OPCML: variants seen among roughly 807,000 people sequenced by gnomAD.
OPCML encodes the protein opioid binding protein/cell adhesion molecule like, also known as opioid-binding protein/cell adhesion molecule.
Under a neutral mutation model 37.8 loss-of-function variants are expected in OPCML, and 13 were observed. That is an observed-to-expected ratio of 0.34 (90% CI 0.22 to 0.55). The LOEUF (loss-of-function observed/expected upper bound fraction) is 0.55, where lower values mean the gene tolerates loss of function less well. Ranked by LOEUF, OPCML falls within the 20% of genes least tolerant of loss-of-function variation. OPCML has a pLI of 0.91. For synonymous variants in OPCML, 176 were observed against 168.8 expected, an observed-to-expected ratio of 1.04 and a Z score of -0.33; for missense variants, 341 against 435.6, an observed-to-expected ratio of 0.78 and a Z score of 1.93.
chr11:132,659,266 C>T (rs1360295335), intron 2 of OPCML, among the ~76,000 whole-genome samples: 1 of 152,216 alleles, frequency 6.6e-6, no homozygotes, highest in Non-Finnish European at 1.5e-5. Context: ...CTGCTCCCCA[C>T]TTTCAAAGGC....
intron 1 of OPCML, among the ~76,000 whole-genome samples, chr11:132,996,030 C>T (rs905577169): frequency 2.0e-5 from 3 of 152,164 alleles, no homozygotes; most frequent in African/African-American, 7.2e-5. Context: ...CTTCCATCCT[C>T]CCCCTGCCAT....
At chr11:132,638,157 T>C (rs1940625902) in intron 3 of OPCML, among the ~76,000 whole-genome samples, 1 of 39,864 alleles carries the variant, frequency 2.5e-5, no homozygotes, top group Non-Finnish European at 5.0e-5. Flanking sequence ...AGAGCATATA[T>C]ACAGACTATA....
chr11:133,486,559 G>A (rs1039768716), intron 1 of OPCML, among the ~76,000 whole-genome samples: 2 of 151,528 alleles, frequency 1.3e-5, no homozygotes, highest in South Asian at 2.1e-4. Context: ...TCCTTTCCTC[G>A]ACATCTATGT....
intron 1 of OPCML, among the ~76,000 whole-genome samples, chr11:133,210,088 G>A (rs1939290901): frequency 1.3e-5 from 2 of 152,148 alleles, no homozygotes; most frequent in South Asian, 2.1e-4. Context: ...TCTCTCTCAC[G>A]GCATGTGCCT....
At chr11:132,726,775 C>A (rs1231944988) in intron 2 of OPCML, among the ~76,000 whole-genome samples, 1 of 152,140 alleles carries the variant, frequency 6.6e-6, no homozygotes, top group Non-Finnish European at 1.5e-5. Flanking sequence ...TAAAAAACTG[C>A]AAGGCCATTT....
chr11:133,176,350 T>TTTTTC (rs1325339836), intron 1 of OPCML, among the ~76,000 whole-genome samples: 1 of 151,756 alleles, frequency 6.6e-6, no homozygotes, highest in Non-Finnish European at 1.5e-5. Context: ...TTTTTTTTTT[T>TTTTTC]TTCATTTGTG....
chr11:133,529,681 G>T (rs544060521), intron 1 of OPCML, among the ~76,000 whole-genome samples: 6 of 152,304 alleles, frequency 3.9e-5, no homozygotes, highest in South Asian at 2.1e-4. Flanking sequence ...CCAGGTCAAG[G>T]TTCCATTATT....
At chr11:132,618,954 T>TACACACACACACACACAC (rs6144570) in intron 3 of OPCML, among the ~76,000 whole-genome samples, 44 of 145,552 alleles carry the variant, frequency 3.0e-4, no homozygotes, top group Non-Finnish European at 5.8e-4. Flanking sequence ...AGCACACGCA[T>TACACACACACACACACAC]ACACACACAC....
At position 132,612,779 on chromosome 11, in the gene OPCML, G is replaced by A. The variant is rs150342034; in HGVS notation, c.379+44308C>T. ...TGCCTCACTCACAGCCAGAGCAAAC[G>A]TGCACTAGCAAGCCTAGTGAAGCCT... On this transcript the variant is annotated intron_variant, in intron 3 of 7. Coordinates refer to ENST00000524381, the MANE Select transcript of OPCML (RefSeq NM_001012393.5). Among the ~76,000 whole-genome samples the A allele has an allele frequency of 5.8e-3, 882 of 152,268 alleles. 3 individuals are homozygous for A. Among genetic ancestry groups the A allele is most frequent in the Middle Eastern group, 0.014 (4 of 294 alleles).
At chr11:132,492,346 G>GT (rs2096218704) in intron 4 of OPCML, among the ~76,000 whole-genome samples, 1 of 152,096 alleles carries the variant, frequency 6.6e-6, no homozygotes, top group South Asian at 2.1e-4. Context: ...CACTGATGTG[G>GT]TGGGGGTAGA....
intron 1 of OPCML, among the ~76,000 whole-genome samples, chr11:133,032,460 G>A (rs1301161426): frequency 6.6e-6 from 1 of 151,976 alleles, no homozygotes; most frequent in Non-Finnish European, 1.5e-5. Context: ...TCACCAGGGG[G>A]AAAAAAAGGC....
At chr11:132,991,894 A>G (rs1189175397) in intron 1 of OPCML, among the ~76,000 whole-genome samples, 1 of 151,826 alleles carries the variant, frequency 6.6e-6, no homozygotes, top group African/African-American at 2.4e-5. Flanking sequence ...AAAGGGTTAT[A>G]ATATCTACAT....
intron 1 of OPCML, among the ~76,000 whole-genome samples, chr11:133,486,484 T>A (rs1947528053): frequency 6.6e-6 from 1 of 152,138 alleles, no homozygotes; most frequent in African/African-American, 2.4e-5. Flanking sequence ...TTCCTCAGAA[T>A]TACACTATCA....
rs138921813 is a variant in OPCML, at chr11:132,808,261, T to C, written c.146+134665A>G. On this transcript the variant is annotated intron_variant, in intron 2 of 7. Coordinates refer to ENST00000524381, the MANE Select transcript of OPCML (RefSeq NM_001012393.5). Reference sequence around the variant, plus strand: ...CTCCGACTGCGGGATGTTGAGACACTATAGCACGGTGGGAATGTAAGTGAG... The same window carrying C: ...CTCCGACTGCGGGATGTTGAGACACCATAGCACGGTGGGAATGTAAGTGAG... Among the ~76,000 whole-genome samples, 751 of 152,300 alleles carry C rather than the reference T, an allele frequency of 4.9e-3. 4 individuals carry two copies. The highest frequency in any genetic ancestry group is 0.016 in the African/African-American group (651 of 41,560).
intron 4 of OPCML, among the ~76,000 whole-genome samples, chr11:132,470,941 C>A (rs2096136338): frequency 6.6e-6 from 1 of 152,042 alleles, no homozygotes; most frequent in South Asian, 2.1e-4. Context: ...TAAGCCAACA[C>A]TTAGGAATTA....
chr11:133,216,146 C>T (rs953159041), intron 1 of OPCML, among the ~76,000 whole-genome samples: 5 of 152,158 alleles, frequency 3.3e-5, no homozygotes, highest in South Asian at 4.1e-4. Flanking sequence ...TTCGGATTCC[C>T]GTATGTGATT....
intron 2 of OPCML, among the ~76,000 whole-genome samples, chr11:132,700,867 G>T (rs537825326): frequency 6.6e-6 from 1 of 152,032 alleles, no homozygotes; most frequent in Non-Finnish European, 1.5e-5. Context: ...TCTATCTATC[G>T]TTGAAAATAA....
chr11:133,061,629 T>A (rs1395919302), intron 1 of OPCML, among the ~76,000 whole-genome samples: 1 of 152,232 alleles, frequency 6.6e-6, no homozygotes, highest in African/African-American at 2.4e-5. Context: ...AGTCTTACAC[T>A]CATACATCAA....
chr11:133,328,180 T>A (rs955619635), intron 1 of OPCML, among the ~76,000 whole-genome samples: 3 of 147,866 alleles, frequency 2.0e-5, no homozygotes, highest in African/African-American at 7.6e-5. Flanking sequence ...TTTTTTGAGA[T>A]GAAGTCTTGC....
Sources: gnomAD v4.1 joint callset for allele counts (sites outside exome capture counted in the v4.1 genomes callset) on GRCh38, gnomAD v4.1.1 for gene constraint, MANE v1.5 for transcripts, NCBI Gene and HGNC (gene_info 2026-07-23, HGNC 2026-07-21) for gene names.